Variants in KLHL23 observed in about 807,000 individuals in gnomAD.
KLHL23 encodes kelch like family member 23.
A neutral mutation model predicts 48.9 loss-of-function variants in KLHL23; 33 were observed. That is an observed-to-expected ratio of 0.67 (90% CI 0.51 to 0.90). The LOEUF (loss-of-function observed/expected upper bound fraction) is 0.90, where lower values mean the gene tolerates loss of function less well. Ranked by LOEUF, KLHL23 falls within the 40% of genes least tolerant of loss-of-function variation. The pLI, the probability that KLHL23 is intolerant of heterozygous loss-of-function variation, is 0.00. For missense variants in KLHL23, 608 were observed against 669.6 expected (o/e 0.91, Z 1.02); for synonymous variants, 234 against 231.6 (o/e 1.01, Z -0.09).
rs2105640762 is a variant in KLHL23, at chr2:169,736,206, C to T, written c.1192C>T (p.Pro398Ser). The T allele has an allele frequency of 6.2e-7, 1 of 1,607,460 alleles. No homozygotes were observed. The highest frequency in any genetic ancestry group is 8.5e-7 in the Non-Finnish European group (1 of 1,177,452). The change falls in exon 2 of 4, where the codon CCT (proline) becomes TCT (serine). Residue 398 changes from proline (P) to serine (S), a missense_variant. Pro to Ser is a moderately conservative substitution (Grantham distance 74). Coordinates refer to ENST00000392647, the MANE Select transcript of KLHL23 (RefSeq NM_144711.6). ...TGATCCTTTAAAAGAGAAATGGATT[C>T]CTATTGCAAACATGATTAAAGGTAA... is the stretch of plus-strand genomic sequence containing the variant. ...FYDPLKEKWI[P>S]IANMIKGVGN... is the part of the protein sequence containing the mutation.
In KLHL23 at chr2:169,751,816, T is replaced by A. The variant is rs1460367174; in HGVS notation, c.*2084T>A. 1 of 151,992 alleles carries A rather than the reference T, an allele frequency of 6.6e-6. No homozygotes were observed. Among genetic ancestry groups the A allele is most frequent in the East Asian group, 1.9e-4 (1 of 5,182 alleles). The allele number at this position is 151,992 out of a possible 1,614,324, so 9.4% of individuals were successfully genotyped here. On this transcript the variant is annotated 3_prime_UTR_variant, in exon 4 of 4. Transcript: ENST00000392647. ...TTAGTGTAGCGGGATATGGAATGAC[T>A]TTATTTATTTAAATCTTTTCTTTAA...
chr2:169,751,555 A>G lies in KLHL23; in HGVS notation c.*1823A>G, dbSNP rs551651368. Reference sequence around the variant, plus strand: ...AATGCATGAAGACATTTATGTCTGCATTCTTTATAATAACAAAAATTGGGG... The same window carrying G: ...AATGCATGAAGACATTTATGTCTGCGTTCTTTATAATAACAAAAATTGGGG... On this transcript the variant is annotated 3_prime_UTR_variant, in exon 4 of 4. Coordinates refer to ENST00000392647, the MANE Select transcript of KLHL23 (RefSeq NM_144711.6). The G allele has an allele frequency of 1.3e-5, 2 of 152,364 alleles. No homozygotes were observed. The highest frequency in any genetic ancestry group is 6.5e-5 in the Admixed American group (1 of 15,302). 9.4% of individuals were successfully genotyped at this position (152,364 alleles called of 1,614,324 possible). A position where few individuals can be genotyped will look rare whatever the true frequency, so the allele number is the denominator to read the frequency against.
At chr2:169,748,001 A>G (rs994186901) in intron 3 of KLHL23, among the ~76,000 whole-genome samples, 5 of 152,136 alleles carry the variant, frequency 3.3e-5, no homozygotes, top group Non-Finnish European at 7.4e-5. Context: ...ATGTGTACCT[A>G]TAGTCCCAGC....
In KLHL23 at chr2:169,736,020, C is replaced by G. The variant is rs769489841; in HGVS notation, c.1006C>G (p.Leu336Val). ...GGYRTDNIEALDTVWIYNSES... is the reference protein window; with the variant it reads ...GGYRTDNIEAVDTVWIYNSES... ...CTACAGGACGGATAACATAGAAGCT[C>G]TTGACACAGTGTGGATCTATAACAG... Residue 336 changes from leucine (L) to valine (V), a missense_variant, in exon 2 of 4, where the codon CTT (leucine) becomes GTT (valine). Physicochemically the swap from Leu to Val is conservative, Grantham distance 32. This residue lies in a region of KLHL23 where 419 missense variants were observed against 473.1 expected (regional missense o/e 0.89). Coordinates refer to ENST00000392647, the MANE Select transcript of KLHL23 (RefSeq NM_144711.6). 6.2e-7 allele frequency: 1 copy of G among 1,614,156 alleles called. No individual in the cohort carries two copies. Among genetic ancestry groups the G allele is most frequent in the Non-Finnish European group, 8.5e-7 (1 of 1,180,024 alleles).
In KLHL23 at chr2:169,734,100, T is replaced by C. The variant is rs6751177; in HGVS notation, c.-3+13T>C. On this transcript the variant is annotated intron_variant, in intron 1 of 3. Transcript: ENST00000392647. ...GCCCCGGCGGGAGGTAGGTGCGGTG[T>C]GGACCCGCAGCCCGAGGCCGGCCTG... 0.47 allele frequency: 69,529 copies of C among 149,434 alleles called. 16,253 individuals are homozygous for C. Among genetic ancestry groups the C allele is most frequent in the South Asian group, 0.59 (2,925 of 4,928 alleles). 9.3% of individuals were successfully genotyped at this position (149,434 alleles called of 1,614,324 possible).
At position 169,735,339 on chromosome 2, in the gene KLHL23, A is replaced by C; in HGVS notation, c.325A>C (p.Ser109Arg). Residue 109 changes from serine (S) to arginine (R), a missense_variant, in exon 2 of 4, where the codon AGC (serine) becomes CGC (arginine). Transcript: ENST00000392647. This position sits in a 1 kb window ranked among gnomAD's most constrained non-coding sequence, Gnocchi z 4.5. ...TGAAATAACTAAAAGAAATGTTCAA[A>C]GCCTGCTTGAGGCAGCGGATCTGCT... ...QIEITKRNVQ[S>R]LLEAADLLQF... 6.2e-7 allele frequency: 1 copy of C among 1,613,268 alleles called. No individual in the cohort carries two copies. Among genetic ancestry groups the C allele is most frequent in the Non-Finnish European group, 8.5e-7 (1 of 1,179,850 alleles).
chr2:169,734,443 C>T (rs1280244534), intron 1 of KLHL23, among the ~76,000 whole-genome samples: 4 of 150,894 alleles, frequency 2.7e-5, no homozygotes, highest in African/African-American at 9.7e-5. Flanking sequence ...GCGGAAACCC[C>T]TGCGGCGGGC....
At position 169,735,864 on chromosome 2, in the gene KLHL23, C is replaced by T. The variant is rs1187322281; in HGVS notation, c.850C>T (p.His284Tyr). Residue 284 changes from histidine (H) to tyrosine (Y), a missense_variant, in exon 2 of 4, where the codon CAT (histidine) becomes TAT (tyrosine). Coordinates refer to ENST00000392647, the MANE Select transcript of KLHL23 (RefSeq NM_144711.6). The surrounding 1 kb of genome is among the most constrained non-coding windows in gnomAD (Gnocchi z 4.5). Reference protein sequence around the residue: ...TMYIIGGYYWHPLSEVHIWDP... With the variant: ...TMYIIGGYYWYPLSEVHIWDP... ...GTATATAATTGGAGGCTATTACTGG[C>T]ATCCTTTATCAGAGGTTCACATATG... 1 of 1,614,108 alleles carries T rather than the reference C, an allele frequency of 6.2e-7. No homozygotes were observed. The highest frequency in any genetic ancestry group is 8.5e-7 in the Non-Finnish European group (1 of 1,180,042).
intron 1 of KLHL23, 118 bp downstream of exon 1, chr2:169,734,205 G>A (rs1019592988): frequency 6.8e-6 from 1 of 147,294 alleles, no homozygotes; most frequent in African/African-American, 2.5e-5. Context: ...GAGGCCGCGC[G>A]GGAGAGGAGC....
At chr2:169,736,878 C>T (rs1026794312) in intron 2 of KLHL23, among the ~76,000 whole-genome samples, 3 of 152,178 alleles carry the variant, frequency 2.0e-5, no homozygotes, top group Non-Finnish European at 4.4e-5. Flanking sequence ...ACTGGTAGGT[C>T]GTTACCAAAT....
chr2:169,749,857 G>T lies in KLHL23; in HGVS notation c.*125G>T, dbSNP rs913864461. The T allele has an allele frequency of 2.5e-6, 3 of 1,187,316 alleles. No individual in the cohort carries two copies. In the African/African-American group the frequency reaches 4.7e-5, roughly 19 times the overall value. 73.5% of individuals were successfully genotyped at this position (1,187,316 alleles called of 1,614,324 possible). A position where few individuals can be genotyped will look rare whatever the true frequency, so the allele number is the denominator to read the frequency against. On this transcript the variant is annotated 3_prime_UTR_variant, in exon 4 of 4. Transcript: ENST00000392647. ...GCACATGATAGGGGATCAGTAAATT[G>T]TAATTCCTAACCCTACTGTACTCCC...
intron 1 of KLHL23, among the ~76,000 whole-genome samples, chr2:169,734,776 C>G (rs2105638881): frequency 6.6e-6 from 1 of 152,196 alleles, no homozygotes; most frequent in Non-Finnish European, 1.5e-5. Flanking sequence ...AATCAGTACT[C>G]TCAAAAGGAC....
At chr2:169,745,360 A>AAG (rs1688770851) in intron 3 of KLHL23, among the ~76,000 whole-genome samples, 2 of 152,098 alleles carry the variant, frequency 1.3e-5, no homozygotes, top group South Asian at 4.1e-4. Flanking sequence ...AAAATACAAA[A>AAG]AAATTAGCTG....
chr2:169,741,973 T>G (rs1688686774), intron 3 of KLHL23, among the ~76,000 whole-genome samples: 1 of 152,198 alleles, frequency 6.6e-6, no homozygotes, highest in Admixed American at 6.5e-5. Context: ...TCTTTCTAGG[T>G]TTCACTTACT....
chr2:169,749,394 T>C, intron 3 of KLHL23, 28 bp from the exon 4 acceptor site: 1 of 1,540,642 alleles, frequency 6.5e-7, no homozygotes, highest in Non-Finnish European at 8.7e-7. Flanking sequence ...TTTAAAAAAA[T>C]GCTGTTTTCT....
intron 3 of KLHL23, among the ~76,000 whole-genome samples, chr2:169,742,231 A>G (rs1688692536): frequency 6.6e-6 from 1 of 152,214 alleles, no homozygotes; most frequent in South Asian, 2.1e-4. Flanking sequence ...ACCTTGAATC[A>G]TTTTCCATAG....
rs1688964457 is a variant in KLHL23 at position 169,751,338 on chromosome 2, G to A, written c.*1606G>A. 1 of 151,964 alleles carries A rather than the reference G, an allele frequency of 6.6e-6. No homozygotes were observed. The highest frequency in any genetic ancestry group is 6.6e-5 in the Admixed American group (1 of 15,254). The allele number at this position is 151,964 out of a possible 1,614,324, so 9.4% of individuals were successfully genotyped here. A position where few individuals can be genotyped will look rare whatever the true frequency, so the allele number is the denominator to read the frequency against. On this transcript the variant is annotated 3_prime_UTR_variant, in exon 4 of 4. Coordinates refer to ENST00000392647, the MANE Select transcript of KLHL23 (RefSeq NM_144711.6). ...ACTCACTGAAGTTTAAAACTACCTA[G>A]CATTTCTGATTAAAAAAAATTTAGA... is the stretch of plus-strand genomic sequence containing the variant.
chr2:169,743,500 C>G (rs535064513), intron 3 of KLHL23, among the ~76,000 whole-genome samples: 1 of 152,152 alleles, frequency 6.6e-6, no homozygotes, highest in Non-Finnish European at 1.5e-5. Context: ...TAAATCAGTA[C>G]CTTGCATGAT....
At chr2:169,742,601 A>G (rs1355016137) in intron 3 of KLHL23, among the ~76,000 whole-genome samples, 1 of 152,196 alleles carries the variant, frequency 6.6e-6, no homozygotes, top group Non-Finnish European at 1.5e-5. Context: ...CAAGGCAGCT[A>G]CTTCCAGCCC....
Sources: allele counts gnomAD v4.1 joint callset (sites outside exome capture counted in the v4.1 genomes callset), GRCh38; gene constraint gnomAD v4.1.1; regional missense constraint gnomAD v4.1.1; non-coding constraint Gnocchi (gnomAD v3.1); transcripts MANE v1.5; gene names NCBI Gene and HGNC (gene_info 2026-07-23, HGNC 2026-07-21).